AKAP10: variants seen among roughly 807,000 people sequenced by gnomAD.
The protein encoded by AKAP10 is A-kinase anchor protein 10, mitochondrial.
A neutral mutation model predicts 80.8 loss-of-function variants in AKAP10; 24 were observed. That is an observed-to-expected ratio of 0.30 (90% CI 0.22 to 0.42). The LOEUF (loss-of-function observed/expected upper bound fraction) is 0.42, where lower values mean the gene tolerates loss of function less well. AKAP10 is among the 10% of genes least tolerant of loss of function. The probability of loss-of-function intolerance (pLI) is 1.00; values close to 1 mark genes in which losing one functional copy is unlikely to be tolerated. For missense variants in AKAP10, 661 were observed against 794.9 expected (o/e 0.83, Z 2.03); for synonymous variants, 291 against 277.7 (o/e 1.05, Z -0.48).
intron 12 of AKAP10, among the ~76,000 whole-genome samples, chr17:19,911,402 AC>A (rs2042687977): frequency 6.6e-6 from 1 of 152,060 alleles, no homozygotes; most frequent in Non-Finnish European, 1.5e-5. Context: ...TGCTACCACT[AC>A]CTAACTTTGA....
chr17:19,918,688 A>C (rs2042777074), intron 12 of AKAP10, among the ~76,000 whole-genome samples: 1 of 152,234 alleles, frequency 6.6e-6, no homozygotes, highest in South Asian at 2.1e-4. Context: ...AGTATCTTTT[A>C]CTCAATAAAA....
rs542063769 is a variant in AKAP10, at chr17:19,952,740, A to C, written c.878-5235T>G. ...AATTCACCCAGAAGATATCATCCTG[A>C]ATGTGTACACACCTAACAACAGAGC... On this transcript the variant is annotated intron_variant, in intron 4 of 14. Transcript: ENST00000225737. 2.6e-5 allele frequency among the ~76,000 whole-genome samples: 4 copies of C among 152,284 alleles called. No homozygotes were observed. In the South Asian group the frequency reaches 8.3e-4, roughly 32 times the overall value.
intron 4 of AKAP10, among the ~76,000 whole-genome samples, chr17:19,948,888 A>G (rs1276308828): frequency 2.0e-5 from 3 of 152,216 alleles, no homozygotes; most frequent in Non-Finnish European, 4.4e-5. Context: ...ATGGAACCAG[A>G]GCCGACAGAA....
intron 1 of AKAP10, among the ~76,000 whole-genome samples, chr17:19,974,867 C>A (rs1487661357): frequency 6.6e-6 from 1 of 151,960 alleles, no homozygotes; most frequent in African/African-American, 2.4e-5. Flanking sequence ...GAGATGGAGT[C>A]TCTCTATGCT....
At chr17:19,935,524 G>A (rs989619477) in intron 9 of AKAP10, among the ~76,000 whole-genome samples, 1 of 151,834 alleles carries the variant, frequency 6.6e-6, no homozygotes, top group African/African-American at 2.4e-5. Flanking sequence ...TTTTGACTCT[G>A]TTGTCATAAC....
Position 19,931,987 on chromosome 17 carries a change from G to C in AKAP10, c.1468-9C>G. The stretch of plus-strand genomic sequence containing the variant: ...AAGCCAGGCAAAAAGACCTGATAGA[G>C]ATGAAAAGCATTATTTTAAAGTTGA... On this transcript the variant is annotated splice_polypyrimidine_tract_variant and intron_variant, in intron 9 of 14. Coordinates refer to ENST00000225737, the MANE Select transcript of AKAP10 (RefSeq NM_007202.4). The C allele has an allele frequency of 6.3e-7, 1 of 1,599,332 alleles. No individual in the cohort carries two copies. The highest frequency in any genetic ancestry group is 8.5e-7 in the Non-Finnish European group (1 of 1,174,020).
At chr17:19,968,554 A>C in intron 1 of AKAP10, 93 bp from the exon 2 acceptor site, 2 of 1,040,946 alleles carry the variant, frequency 1.9e-6, no homozygotes, top group Non-Finnish European at 2.9e-6. Flanking sequence ...TTCTAAGATG[A>C]GTATTCAAAG....
intron 10 of AKAP10, among the ~76,000 whole-genome samples, chr17:19,928,817 C>T (rs1241777725): frequency 6.6e-6 from 1 of 152,108 alleles, no homozygotes; most frequent in African/African-American, 2.4e-5. Flanking sequence ...TTGCAGTGAG[C>T]CGAGATTGTG....
intron 3 of AKAP10, among the ~76,000 whole-genome samples, chr17:19,959,970 G>C (rs1434123454): frequency 2.0e-5 from 3 of 152,248 alleles, no homozygotes; most frequent in Middle Eastern, 3.4e-3. Flanking sequence ...GAAAGGGCCA[G>C]GCATGGTCGC....
At chr17:19,946,269 ATATATATTTTTT>A (rs2043126504) in intron 5 of AKAP10, among the ~76,000 whole-genome samples, 1 of 26,028 alleles carries the variant, frequency 3.8e-5, no homozygotes, top group Non-Finnish European at 6.4e-5. Context: ...ATATATATAT[ATATATATTTTTT>A]TTTTTTTTTT....
At chr17:19,962,796 C>T (rs1177834476) in intron 3 of AKAP10, 44 bp downstream of exon 3, 1 of 1,573,214 alleles carries the variant, frequency 6.4e-7, no homozygotes, top group East Asian at 2.3e-5. Context: ...ATATTGTACT[C>T]AAATCCTTCT....
At chr17:19,925,098 A>T (rs2042862569) in intron 10 of AKAP10, among the ~76,000 whole-genome samples, 1 of 152,142 alleles carries the variant, frequency 6.6e-6, no homozygotes, top group South Asian at 2.1e-4. Flanking sequence ...CAGGAGATGG[A>T]GGTCGCAGTG....
intron 3 of AKAP10, among the ~76,000 whole-genome samples, chr17:19,959,225 C>T (rs2043320323): frequency 6.6e-6 from 1 of 152,092 alleles, no homozygotes; most frequent in African/African-American, 2.4e-5. Flanking sequence ...ATATTAAAAA[C>T]TATACTCAAC....
chr17:19,916,095 C>G (rs1354892629), intron 12 of AKAP10, among the ~76,000 whole-genome samples: 1 of 152,178 alleles, frequency 6.6e-6, no homozygotes, highest in African/African-American at 2.4e-5. Flanking sequence ...TATCCTTGTT[C>G]CTTTCACCAA....
intron 4 of AKAP10, 73 bp downstream of exon 4, chr17:19,957,941 C>A: frequency 7.1e-7 from 1 of 1,414,938 alleles, no homozygotes; most frequent in East Asian, 2.3e-5. Context: ...TATTCCTCAT[C>A]TGAAGTTCTG....
At chr17:19,938,586 C>T (rs1318454762) in intron 8 of AKAP10, among the ~76,000 whole-genome samples, 1 of 152,092 alleles carries the variant, frequency 6.6e-6, no homozygotes, top group Non-Finnish European at 1.5e-5. Flanking sequence ...GCAGACAGCC[C>T]AGCAAGAGCC....
intron 10 of AKAP10, among the ~76,000 whole-genome samples, chr17:19,925,367 G>A (rs2042865066): frequency 6.6e-6 from 1 of 152,010 alleles, no homozygotes; most frequent in Non-Finnish European, 1.5e-5. Flanking sequence ...TTCTTGGTGA[G>A]GCCATATGAC....
At chr17:19,931,392 CTTT>C (rs577953997) in intron 10 of AKAP10, among the ~76,000 whole-genome samples, 21 of 137,768 alleles carry the variant, frequency 1.5e-4, no homozygotes, top group South Asian at 4.6e-4. Flanking sequence ...TTATTTCTCT[CTTT>C]TTTTTTTTTT....
chr17:19,954,818 A>C (rs2043255593), intron 4 of AKAP10, among the ~76,000 whole-genome samples: 1 of 152,030 alleles, frequency 6.6e-6, no homozygotes, highest in Non-Finnish European at 1.5e-5. Context: ...AAAAGGAAAC[A>C]TATGAGAAAA....
Sources: allele counts gnomAD v4.1 joint callset (sites outside exome capture counted in the v4.1 genomes callset), GRCh38; gene constraint gnomAD v4.1.1; transcripts MANE v1.5; gene names NCBI Gene and HGNC (gene_info 2026-07-23, HGNC 2026-07-21).